NXPE2: variants seen among roughly 807,000 people sequenced by gnomAD.
The protein encoded by NXPE2 is NXPE family member 2.
A neutral mutation model predicts 34.4 loss-of-function variants in NXPE2; 34 were observed. The observed-to-expected ratio is 0.99, with a 90% CI of 0.75 to 1.31. The LOEUF (loss-of-function observed/expected upper bound fraction) is 1.31, where lower values mean the gene tolerates loss of function less well. Among genes scored for constraint, NXPE2 ranks in the 40% most tolerant of loss-of-function variants. The pLI is 0.00. For synonymous variants in NXPE2, 235 were observed against 231.3 expected (o/e 1.02, Z -0.15); for missense variants, 649 against 672.5 (o/e 0.97, Z 0.39).
the NXPE2 span, among the ~76,000 whole-genome samples, chr11:114,779,515 C>T: frequency 6.6e-6 from 1 of 151,978 alleles, no homozygotes; most frequent in African/African-American, 2.4e-5. Flanking sequence ...CATCCCATCC[C>T]CGGGTGCCAG....
At chr11:114,790,221 C>G in the NXPE2 span, among the ~76,000 whole-genome samples, 1 of 152,208 alleles carries the variant, frequency 6.6e-6, no homozygotes, top group Non-Finnish European at 1.5e-5. Context: ...GAAAGGATTA[C>G]AATTCCAAAC....
the NXPE2 span, among the ~76,000 whole-genome samples, chr11:114,776,159 T>G: frequency 6.6e-6 from 1 of 152,192 alleles, no homozygotes; most frequent in South Asian, 2.1e-4. Flanking sequence ...AGGATGAGGG[T>G]GGCTGCACAG....
downstream of NXPE2, chr11:114,707,558 C>A: frequency 4.5e-6 from 1 of 222,920 alleles, no homozygotes; most frequent in Non-Finnish European, 9.5e-6. Context: ...CCACACCTGG[C>A]TATAAACCAT....
At chr11:114,668,943 G>T in the NXPE2 span, among the ~76,000 whole-genome samples, 1 of 152,074 alleles carries the variant, frequency 6.6e-6, no homozygotes, top group Non-Finnish European at 1.5e-5. Flanking sequence ...TTAGAAGAAT[G>T]GAATCTCTGT....
the NXPE2 span, chr11:114,527,931 G>A: frequency 5.8e-6 from 9 of 1,544,638 alleles, no homozygotes; most frequent in African/African-American, 1.2e-4. Flanking sequence ...CAATAAATTA[G>A]CCTGCTCTCT....
At chr11:114,776,574 G>A in the NXPE2 span, among the ~76,000 whole-genome samples, 3 of 152,328 alleles carry the variant, frequency 2.0e-5, no homozygotes, top group South Asian at 2.1e-4. Context: ...GGATGTGTGC[G>A]CACATCTGGG....
the NXPE2 span, among the ~76,000 whole-genome samples, chr11:114,516,170 G>A: frequency 1.3e-5 from 2 of 152,108 alleles, no homozygotes; most frequent in Non-Finnish European, 2.9e-5. Context: ...TTGGGGTGGG[G>A]GTGTGCTGTT....
At chr11:114,777,107 AG>A in the NXPE2 span, among the ~76,000 whole-genome samples, 2 of 152,260 alleles carry the variant, frequency 1.3e-5, no homozygotes, top group Non-Finnish European at 2.9e-5. Context: ...ATTTTTATGA[AG>A]GACTTGCTTC....
chr11:114,582,622 T>C, the NXPE2 span: 1 of 1,614,168 alleles, frequency 6.2e-7, no homozygotes, highest in Non-Finnish European at 8.5e-7. Flanking sequence ...AGAGTGAAGC[T>C]GACCAGGTAG....
At chr11:114,629,747 G>A in the NXPE2 span, among the ~76,000 whole-genome samples, 4 of 151,354 alleles carry the variant, frequency 2.6e-5, no homozygotes, top group East Asian at 1.9e-4. Flanking sequence ...GTTTGCAGAC[G>A]ACATGATTGT....
the NXPE2 span, chr11:114,584,227 C>T: frequency 2.4e-6 from 1 of 412,644 alleles, no homozygotes; most frequent in East Asian, 7.0e-5. Context: ...TATGGAGATC[C>T]CTAATGAGCC....
the NXPE2 span, among the ~76,000 whole-genome samples, chr11:114,790,919 T>C: frequency 1.3e-5 from 2 of 151,572 alleles, no homozygotes; most frequent in East Asian, 3.9e-4. Context: ...CAACTCATTG[T>C]AGATTTAAGC....
At chr11:114,786,027 CAG>C in the NXPE2 span, among the ~76,000 whole-genome samples, 1 of 152,138 alleles carries the variant, frequency 6.6e-6, no homozygotes, top group African/African-American at 2.4e-5. Context: ...TCCTTCCCTC[CAG>C]AGAGAATAAT....
At chr11:114,729,076 C>T in the NXPE2 span, among the ~76,000 whole-genome samples, 1 of 152,046 alleles carries the variant, frequency 6.6e-6, no homozygotes, top group Non-Finnish European at 1.5e-5. Flanking sequence ...CCCTCCCTTC[C>T]TCCCTATTCT....
the NXPE2 span, among the ~76,000 whole-genome samples, chr11:114,801,545 A>G: frequency 6.6e-5 from 10 of 152,228 alleles, no homozygotes; most frequent in African/African-American, 2.4e-4. Flanking sequence ...GCATTAACTC[A>G]TTCAGATTCT....
chr11:114,576,371 A>G, the NXPE2 span, among the ~76,000 whole-genome samples: 1 of 152,036 alleles, frequency 6.6e-6, no homozygotes, highest in Non-Finnish European at 1.5e-5. Context: ...TAAACTAAAA[A>G]CTTCTGCATA....
chr11:114,622,521 G>A, the NXPE2 span, among the ~76,000 whole-genome samples: 4 of 152,194 alleles, frequency 2.6e-5, no homozygotes, highest in Admixed American at 2.0e-4. Context: ...ATTGCCTCAT[G>A]GGTAACCACT....
At chr11:114,774,715 C>T in the NXPE2 span, among the ~76,000 whole-genome samples, 3 of 152,194 alleles carry the variant, frequency 2.0e-5, no homozygotes, top group African/African-American at 7.2e-5. Context: ...TTCGCCCTTT[C>T]CCTTTTTCCT....
the NXPE2 span, among the ~76,000 whole-genome samples, chr11:114,528,180 A>G: frequency 6.6e-6 from 1 of 152,216 alleles, no homozygotes; most frequent in Non-Finnish European, 1.5e-5. Context: ...TATCTAATTT[A>G]CAAGTTCTCT....
Sources: gnomAD v4.1 joint callset for allele counts (sites outside exome capture counted in the v4.1 genomes callset) on GRCh38, gnomAD v4.1.1 for gene constraint, MANE v1.5 for transcripts, NCBI Gene and HGNC (gene_info 2026-07-23, HGNC 2026-07-21) for gene names.